The following UMAD1 variants were observed in gnomAD, a reference collection of about 807,000 sequenced individuals.
The protein encoded by UMAD1 is UBAP1-MVB12-associated (UMA) domain containing 1, also known as UBAP1-MVB12-associated (UMA)-domain containing protein 1.
In UMAD1, 8 loss-of-function variants were observed where a neutral mutation model predicts 6.1. That is an observed-to-expected ratio of 1.30 (90% CI 0.76 to 2.35). The LOEUF (loss-of-function observed/expected upper bound fraction) is 2.35, where lower values mean the gene tolerates loss of function less well. UMAD1 is among the 30% of genes most tolerant of loss of function. The pLI, the probability that UMAD1 is intolerant of heterozygous loss-of-function variation, is 0.00. For missense variants in UMAD1, 130 were observed against 78.4 expected (o/e 1.66, Z -2.49); for synonymous variants, 56 against 31.4 (o/e 1.78, Z -2.61).
At chr7:7,833,308 C>A (rs1783499913) in intron 3 of UMAD1, among the ~76,000 whole-genome samples, 2 of 152,084 alleles carry the variant, frequency 1.3e-5, no homozygotes, top group Admixed American at 6.6e-5. Context: ...CATCTCTGGA[C>A]TGTTGGCATT....
At chr7:7,706,076 G>A (rs1780591541) in intron 2 of UMAD1, among the ~76,000 whole-genome samples, 1 of 152,090 alleles carries the variant, frequency 6.6e-6, no homozygotes, top group Non-Finnish European at 1.5e-5. Flanking sequence ...AATAAATTAT[G>A]GAAGTCACCA....
intron 2 of UMAD1, among the ~76,000 whole-genome samples, chr7:7,776,755 T>A (rs964538928): frequency 6.6e-6 from 1 of 152,224 alleles, no homozygotes; most frequent in Admixed American, 6.5e-5. Flanking sequence ...GAAGAATCAT[T>A]TTCCAATTTC....
chr7:7,795,499 C>T (rs1782658552), intron 2 of UMAD1, among the ~76,000 whole-genome samples: 1 of 152,128 alleles, frequency 6.6e-6, no homozygotes, highest in Admixed American at 6.5e-5. Context: ...GGGGTGAGTC[C>T]ACAGAGTGAA....
chr7:7,734,242 T>C (rs1384404347), intron 2 of UMAD1, among the ~76,000 whole-genome samples: 2 of 152,282 alleles, frequency 1.3e-5, no homozygotes, highest in East Asian at 3.9e-4. Context: ...CCCTGTGGTA[T>C]GATTTTGGGT....
intron 3 of UMAD1, among the ~76,000 whole-genome samples, chr7:7,824,393 C>T (rs749016644): frequency 6.6e-6 from 1 of 152,186 alleles, no homozygotes; most frequent in Non-Finnish European, 1.5e-5. Context: ...ATTTGTCATA[C>T]ATAAAACATT....
At chr7:7,702,800 G>GTTT (rs147822233) in intron 2 of UMAD1, among the ~76,000 whole-genome samples, 11,596 of 152,126 alleles carry the variant, frequency 0.076, 565 homozygotes, top group Admixed American at 0.098. Context: ...TGTTGTTGTT[G>GTTT]TTGTTGTTTT....
At chr7:7,796,586 C>T (rs1316616859) in intron 2 of UMAD1, among the ~76,000 whole-genome samples, 1 of 152,076 alleles carries the variant, frequency 6.6e-6, no homozygotes, top group East Asian at 1.9e-4. Context: ...TATGTAACAC[C>T]AGATACTGAC....
chr7:7,691,305 C>G (rs1307278780), intron 2 of UMAD1, among the ~76,000 whole-genome samples: 1 of 152,134 alleles, frequency 6.6e-6, no homozygotes, highest in African/African-American at 2.4e-5. Flanking sequence ...CTGATAATAT[C>G]TACTTTTATA....
chr7:7,756,752 C>G (rs1470851178), intron 2 of UMAD1, among the ~76,000 whole-genome samples: 1 of 152,190 alleles, frequency 6.6e-6, no homozygotes, highest in Admixed American at 6.5e-5. Context: ...CCCCCATGAT[C>G]AAGAAAATAT....
chr7:7,696,533 G>A (rs1289993847), intron 2 of UMAD1, among the ~76,000 whole-genome samples: 3 of 152,160 alleles, frequency 2.0e-5, no homozygotes, highest in African/African-American at 7.2e-5. Flanking sequence ...AAATTCAGAT[G>A]TCATTTGATC....
intron 3 of UMAD1, among the ~76,000 whole-genome samples, chr7:7,851,775 A>G (rs200887417): frequency 2.4e-4 from 36 of 152,234 alleles, no homozygotes; most frequent in African/African-American, 7.0e-4. Context: ...TATATTCTAG[A>G]TGCAAGTCCT....
At chr7:7,797,903 T>C (rs1331630796) in intron 2 of UMAD1, among the ~76,000 whole-genome samples, 2 of 152,276 alleles carry the variant, frequency 1.3e-5, no homozygotes, top group East Asian at 3.9e-4. Context: ...GCCAGGCTGG[T>C]CTTGAATTCC....
At chr7:7,814,698 A>G (rs532225156) in intron 3 of UMAD1, among the ~76,000 whole-genome samples, 1 of 152,188 alleles carries the variant, frequency 6.6e-6, no homozygotes, top group African/African-American at 2.4e-5. Context: ...TCTAATTTTA[A>G]TCATCTTTTG....
At chr7:7,760,439 T>C (rs1215535513) in intron 2 of UMAD1, among the ~76,000 whole-genome samples, 1 of 148,542 alleles carries the variant, frequency 6.7e-6, no homozygotes, top group Non-Finnish European at 1.5e-5. Context: ...ATAATAATAA[T>C]AATAATAATA....
chr7:7,735,244 GA>G (rs1563164810), intron 2 of UMAD1, among the ~76,000 whole-genome samples: 2 of 152,114 alleles, frequency 1.3e-5, no homozygotes, highest in African/African-American at 4.8e-5. Context: ...CCCATTACGG[GA>G]TCAAATTAGA....
chr7:7,871,557 ACAGC>A (rs1180831672), intron 3 of UMAD1, among the ~76,000 whole-genome samples: 1 of 152,212 alleles, frequency 6.6e-6, no homozygotes, highest in African/African-American at 2.4e-5. Flanking sequence ...ATACATTTAA[ACAGC>A]TTAGATACAG....
At chr7:7,733,222 A>G (rs1225163117) in intron 2 of UMAD1, among the ~76,000 whole-genome samples, 4 of 152,166 alleles carry the variant, frequency 2.6e-5, no homozygotes, top group African/African-American at 9.6e-5. Context: ...AGTCAGCTGA[A>G]TGCCAATTTA....
At chr7:7,796,645 A>C (rs2115269508) in intron 2 of UMAD1, among the ~76,000 whole-genome samples, 1 of 152,310 alleles carries the variant, frequency 6.6e-6, no homozygotes, top group South Asian at 2.1e-4. Flanking sequence ...TTTTCGTTCA[A>C]GATAGTGTCC....
intron 2 of UMAD1, among the ~76,000 whole-genome samples, chr7:7,763,734 CA>C: frequency 6.6e-6 from 1 of 152,074 alleles, no homozygotes; most frequent in Non-Finnish European, 1.5e-5. Context: ...AAATTAGTTA[CA>C]AAAATAGTAG....
Sources: allele counts gnomAD v4.1 joint callset (sites outside exome capture counted in the v4.1 genomes callset), GRCh38; gene constraint gnomAD v4.1.1; transcripts MANE v1.5; gene names NCBI Gene and HGNC (gene_info 2026-07-23, HGNC 2026-07-21).